NMRK2: variants seen among roughly 807,000 people sequenced by gnomAD.
The protein encoded by NMRK2 is NRK 2.
Under a neutral mutation model 24.7 loss-of-function variants are expected in NMRK2, and 34 were observed. The ratio of observed to expected loss-of-function variants is 1.37; its 90% CI spans 1.05 to 1.83. NMRK2 has a LOEUF of 1.83. Ranked by LOEUF, NMRK2 falls within the 40% of genes most tolerant of loss-of-function variation. NMRK2 has a pLI of 0.00. For synonymous variants in NMRK2, 145 were observed against 125.6 expected (o/e 1.15, Z -1.03); for missense variants, 341 against 315.0 (o/e 1.08, Z -0.62).
At chr19:3,937,725 C>G (rs12980690) in intron 4 of NMRK2, among the ~76,000 whole-genome samples, 1 of 82,000 alleles carries the variant, frequency 1.2e-5, no homozygotes. Flanking sequence ...CCCGCTCCCC[C>G]TCCACTATCC....
chr19:3,935,433 T>G (rs2039197679), intron 2 of NMRK2, among the ~76,000 whole-genome samples: 1 of 151,778 alleles, frequency 6.6e-6, no homozygotes, highest in Non-Finnish European at 1.5e-5. Flanking sequence ...TTTTTGTATT[T>G]TTACTAGAGA....
intron 5 of NMRK2, 82 bp downstream of exon 5, chr19:3,938,841 T>TG (rs1568180866): frequency 1.0e-4 from 38 of 379,310 alleles, no homozygotes; most frequent in South Asian, 3.1e-4. Flanking sequence ...TTTTTTTTTT[T>TG]TTGTTTTGTT....
chr19:3,936,585 G>A lies in NMRK2; in HGVS notation c.37G>A (p.Gly13Ser), dbSNP rs1245541520. Residue 13 changes from glycine (G) to serine (S), a missense_variant, in exon 3 of 8, where the codon GGC becomes AGC. Physicochemically the swap from Gly to Ser is moderately conservative, Grantham distance 56. Coordinates refer to ENST00000168977, the MANE Select transcript of NMRK2 (RefSeq NM_170678.3). Reference protein sequence around the residue: ...LIVGIGGMTNGGKTTLTNSLL... With the variant: ...LIVGIGGMTNSGKTTLTNSLL... Reference sequence around the variant, plus strand: ...ACGCTGTCTCCCCAGCATGACCAACGGCGGCAAGACCACGCTGACCAACAG... The same window carrying A: ...ACGCTGTCTCCCCAGCATGACCAACAGCGGCAAGACCACGCTGACCAACAG... 95 of 1,558,660 alleles carry A rather than the reference G, an allele frequency of 6.1e-5. No homozygotes were observed. The highest frequency in any genetic ancestry group is 8.0e-5 in the Non-Finnish European group (92 of 1,153,478).
intron 2 of NMRK2, among the ~76,000 whole-genome samples, chr19:3,934,134 G>T (rs766866877): frequency 6.6e-6 from 1 of 152,092 alleles, no homozygotes. Context: ...TGTAATCCCA[G>T]CTACTGGGGA....
In NMRK2 at chr19:3,933,481, G is replaced by T. The variant is rs2039150946; in HGVS notation, c.-191G>T. ...AGCCTGGAGCTATTTCCATTCGGCGGCGGGAACAGGTGCCGGCGCCTCCGC... is the reference window on the plus strand; with the variant it reads ...AGCCTGGAGCTATTTCCATTCGGCGTCGGGAACAGGTGCCGGCGCCTCCGC... On this transcript the variant is annotated 5_prime_UTR_variant, in exon 2 of 8. Transcript: ENST00000168977. 3.1e-5 allele frequency: 17 copies of T among 549,910 alleles called. No individual in the cohort carries two copies. The highest frequency in any genetic ancestry group is 5.0e-5 in the Non-Finnish European group (16 of 320,202). The allele number at this position is 549,910 out of a possible 1,614,324, so 34.1% of individuals were successfully genotyped here.
rs369553268 is a variant in NMRK2, at chr19:3,939,945, G to A, written c.369G>A (p.Pro123=). 59 of 1,612,084 alleles carry A rather than the reference G, an allele frequency of 3.7e-5. No individual in the cohort carries two copies. Among genetic ancestry groups the A allele is most frequent in the Middle Eastern group, 3.3e-4 (2 of 6,082 alleles). ...GCCGCCGGTACTTCCTGACCGTCCC[G>A]TATGAAGAGTGCAAGTGGAGGAGAA... is the stretch of plus-strand genomic sequence containing the variant. ...LYSRRYFLTV[P]YEECKWRRST... Residue 123 remains proline (P), a synonymous_variant, in exon 6 of 8, where the codon CCG becomes CCA. Transcript: ENST00000168977.
chr19:3,934,846 G>A (rs1381367247), intron 2 of NMRK2, among the ~76,000 whole-genome samples: 1 of 151,952 alleles, frequency 6.6e-6, no homozygotes, highest in Non-Finnish European at 1.5e-5. Context: ...GCCTCCCAAA[G>A]TGCTGGGATT....
At chr19:3,935,478 A>G (rs1408051441) in intron 2 of NMRK2, among the ~76,000 whole-genome samples, 3 of 151,286 alleles carry the variant, frequency 2.0e-5, no homozygotes, top group Non-Finnish European at 4.4e-5. Context: ...CTGATCGCAA[A>G]CTCCTGACCT....
In NMRK2 at chr19:3,942,271, T is replaced by C. The variant is rs1239173158; in HGVS notation, c.691T>C (p.Ter231ArgextTer10). Residue 231 changes from the stop codon to arginine, a stop_lost, in exon 8 of 8, where the codon TGA (stop) becomes CGA (arginine). Transcript: ENST00000168977. ...TGCAGCGTCCCAGCAGGACAGCATGTGAGCGTTTCCCTATGGGGGTGTCTG... is the reference window on the plus strand; with the variant it reads ...TGCAGCGTCCCAGCAGGACAGCATGCGAGCGTTTCCCTATGGGGGTGTCTG... Reference protein sequence around the residue: ...RPAASQQDSM* With the variant: ...RPAASQQDSMR 1 of 1,604,718 alleles carries C rather than the reference T, an allele frequency of 6.2e-7. No individual in the cohort carries two copies. The highest frequency in any genetic ancestry group is 2.2e-5 in the East Asian group (1 of 44,680).
chr19:3,936,727 G>A lies in NMRK2; in HGVS notation c.117+62G>A, dbSNP rs145402201. The A allele has an allele frequency of 3.5e-4, 482 of 1,387,036 alleles. 2 individuals carry two copies. The highest frequency in any genetic ancestry group is 1.8e-3 in the South Asian group (132 of 73,872). 85.9% of individuals were successfully genotyped at this position (1,387,036 alleles called of 1,614,324 possible). The stretch of plus-strand genomic sequence containing the variant: ...GGATGCAGGGTGGGCAGCCAGGCCC[G>A]GCCAGCCCCGCCCTCCACTGCCCAG... On this transcript the variant is annotated intron_variant, in intron 3 of 7. Coordinates refer to ENST00000168977, the MANE Select transcript of NMRK2 (RefSeq NM_170678.3).
chr19:3,938,592 C>A lies in NMRK2; in HGVS notation c.167-11C>A. On this transcript the variant is annotated splice_polypyrimidine_tract_variant and intron_variant, in intron 4 of 7. Coordinates refer to ENST00000168977, the MANE Select transcript of NMRK2 (RefSeq NM_170678.3). ...TCTGCCCTCCTGCAATGCCTGCTCC[C>A]CTTTCCCCAGTGCTGGAGTCTCTGG... 1 of 1,555,810 alleles carries A rather than the reference C, an allele frequency of 6.4e-7. No individual in the cohort carries two copies. The highest frequency in any genetic ancestry group is 1.2e-5 in the South Asian group (1 of 84,208).
chr19:3,933,516 A>AGGGGCCGCCTCCCCC lies in NMRK2; in HGVS notation c.-150_-136dup, dbSNP rs2039151800. 4.0e-6 allele frequency: 3 copies of AGGGGCCGCCTCCCCC among 748,512 alleles called. No individual in the cohort carries two copies. Among genetic ancestry groups the AGGGGCCGCCTCCCCC allele is most frequent in the Non-Finnish European group, 6.1e-6 (3 of 494,378 alleles). 46.4% of individuals were successfully genotyped at this position (748,512 alleles called of 1,614,324 possible). A position where few individuals can be genotyped will look rare whatever the true frequency, so the allele number is the denominator to read the frequency against. ...GTGCCGGCGCCTCCGCCCCATCCCC[A>AGGGGCCGCCTCCCCC]GGGGCCGCCTCCCCCGGGGCGGCCT... On this transcript the variant is annotated 5_prime_UTR_variant, in exon 2 of 8. Coordinates refer to ENST00000168977, the MANE Select transcript of NMRK2 (RefSeq NM_170678.3).
intron 7 of NMRK2, 55 bp downstream of exon 7, chr19:3,941,232 G>A: frequency 1.1e-6 from 1 of 906,178 alleles, no homozygotes; most frequent in Non-Finnish European, 1.7e-6. Flanking sequence ...GGGACCCTGG[G>A]CCCAGCCCCT....
chr19:3,939,234 A>C (rs2039281395), intron 5 of NMRK2, among the ~76,000 whole-genome samples: 1 of 150,696 alleles, frequency 6.6e-6, no homozygotes, highest in Non-Finnish European at 1.5e-5. Context: ...GGATCAACCC[A>C]AGTCTGGAGC....
intron 5 of NMRK2, among the ~76,000 whole-genome samples, 155 bp from the exon 6 acceptor site, chr19:3,939,745 C>G (rs962145208): frequency 6.6e-6 from 1 of 152,064 alleles, no homozygotes; most frequent in Non-Finnish European, 1.5e-5. Flanking sequence ...GGATGTTGGC[C>G]AATTCAGCTT....
At position 3,938,712 on chromosome 19, in the gene NMRK2, G is replaced by C. The variant is rs767104105; in HGVS notation, c.276G>C (p.Ser92=). The change falls in exon 5 of 8, where the codon TCG becomes TCC. Residue 92 remains serine, a synonymous_variant. Transcript: ENST00000168977. Reference sequence around the variant, plus strand: ...GGGTCAGCGTCCAGCCAGAGGCCTCGGACACCCACATCCTCCTCCTGGAAG... The same window carrying C: ...GGGTCAGCGTCCAGCCAGAGGCCTCCGACACCCACATCCTCCTCCTGGAAG... ...AHGVSVQPEA[S]DTHILLLEGF... 1.9e-6 allele frequency: 3 copies of C among 1,611,874 alleles called. No individual in the cohort carries two copies. The African/African-American group carries it at 4.0e-5, about 22-fold the overall frequency.
intron 2 of NMRK2, among the ~76,000 whole-genome samples, chr19:3,934,452 G>T (rs1376190719): frequency 6.6e-6 from 1 of 152,094 alleles, no homozygotes; most frequent in Non-Finnish European, 1.5e-5. Flanking sequence ...TAACCAGCAC[G>T]GCTGGCTTTG....
chr19:3,937,872 C>A (rs2145296752), intron 4 of NMRK2, among the ~76,000 whole-genome samples: 1 of 119,192 alleles, frequency 8.4e-6, no homozygotes. Context: ...GTCCACTGTT[C>A]CCCCGGGGTC....
At chr19:3,933,731 G>T (rs1431524978) in intron 2 of NMRK2, 34 bp downstream of exon 2, 1 of 1,400,278 alleles carries the variant, frequency 7.1e-7, no homozygotes, top group Non-Finnish European at 9.3e-7. Context: ...GCGGCCCTGC[G>T]GGGCAAAGCC....
Sources: gnomAD v4.1 joint callset for allele counts (sites outside exome capture counted in the v4.1 genomes callset) on GRCh38, gnomAD v4.1.1 for gene constraint, MANE v1.5 for transcripts, NCBI Gene and HGNC (gene_info 2026-07-23, HGNC 2026-07-21) for gene names.